The following AFF2 variants were observed in gnomAD, a reference collection of about 807,000 sequenced individuals.
The protein encoded by AFF2 is ALF transcription elongation factor 2.
AFF2 carries 14 observed loss-of-function variants against 76.9 expected under a neutral mutation model. The observed-to-expected ratio is 0.18, with a 90% CI of 0.12 to 0.28. The LOEUF (loss-of-function observed/expected upper bound fraction) is 0.28. Ranked by LOEUF, AFF2 falls within the 10% of genes least tolerant of loss-of-function variation. The probability of loss-of-function intolerance (pLI) is 1.00; values close to 1 mark genes in which losing one functional copy is unlikely to be tolerated. For missense variants in AFF2, 868 were observed against 1,001.1 expected, an observed-to-expected ratio of 0.87 and a Z score of 1.79; for synonymous variants, 398 against 366.7, an observed-to-expected ratio of 1.09 and a Z score of -0.98.
chrX:148,779,782 T>A (rs890548051), intron 3 of AFF2, among the ~76,000 whole-genome samples: 1 of 112,162 alleles, frequency 8.9e-6, no homozygotes, highest in South Asian at 3.7e-4. Context: ...AATTTGATCC[T>A]GTCGTTACGA....
intron 1 of AFF2, among the ~76,000 whole-genome samples, chrX:148,625,101 C>T (rs192485406): frequency 1.8e-5 from 2 of 110,910 alleles, no homozygotes; most frequent in Non-Finnish European, 3.8e-5. Flanking sequence ...TGTCACTCTT[C>T]ACTGACTTCA....
intron 8 of AFF2, among the ~76,000 whole-genome samples, chrX:148,891,483 T>G (rs2071223145): frequency 8.9e-6 from 1 of 111,737 alleles, no homozygotes; most frequent in African/African-American, 3.3e-5. Context: ...ACAAAGAAAT[T>G]GTATGGACAG....
At chrX:148,557,056 G>T (rs1311023915) in intron 1 of AFF2, among the ~76,000 whole-genome samples, 2 of 112,052 alleles carry the variant, frequency 1.8e-5, no homozygotes, top group Non-Finnish European at 3.8e-5. Flanking sequence ...TAAAAAATGA[G>T]CTGTGGCTCT....
intron 7 of AFF2, among the ~76,000 whole-genome samples, chrX:148,861,713 A>C (rs782107391): frequency 9.0e-6 from 1 of 111,383 alleles, no homozygotes; most frequent in Admixed American, 9.5e-5. Context: ...ACTCAGCTTC[A>C]ATATCTACCT....
At chrX:148,925,701 C>T (rs1412833517) in intron 9 of AFF2, among the ~76,000 whole-genome samples, 4 of 112,124 alleles carry the variant, frequency 3.6e-5, no homozygotes, top group Non-Finnish European at 7.5e-5. Context: ...TTTCCCTTCC[C>T]TCATCTGTGT....
chrX:148,965,267 G>A (rs1557288521), intron 13 of AFF2, among the ~76,000 whole-genome samples: 1 of 112,320 alleles, frequency 8.9e-6, no homozygotes, highest in Non-Finnish European at 1.9e-5. Context: ...TTCGAGAGAT[G>A]TTGGGGAGAT....
chrX:148,710,432 G>C (rs1557262812), intron 3 of AFF2, among the ~76,000 whole-genome samples: 1 of 111,424 alleles, frequency 9.0e-6, no homozygotes, highest in Admixed American at 9.6e-5. Flanking sequence ...TTAGACAAAT[G>C]GAAACATTTA....
intron 7 of AFF2, among the ~76,000 whole-genome samples, chrX:148,882,575 C>T (rs782574968): frequency 9.0e-6 from 1 of 111,389 alleles, no homozygotes; most frequent in Non-Finnish European, 1.9e-5. Flanking sequence ...CACAGGCATA[C>T]ATTTATATGA....
chrX:148,833,328 A>G (rs1320162408), intron 4 of AFF2, among the ~76,000 whole-genome samples: 1 of 111,662 alleles, frequency 9.0e-6, no homozygotes, highest in Non-Finnish European at 1.9e-5. Flanking sequence ...ACTGGCTTAT[A>G]ATGGCTACAC....
intron 1 of AFF2, among the ~76,000 whole-genome samples, chrX:148,608,970 C>A (rs1184538763): frequency 9.0e-6 from 1 of 111,557 alleles, no homozygotes; most frequent in Non-Finnish European, 1.9e-5. Context: ...CATTTGAATT[C>A]TTTTATAAGA....
intron 9 of AFF2, among the ~76,000 whole-genome samples, chrX:148,907,966 C>T (rs111884114): frequency 0.011 from 1,217 of 111,335 alleles, 21 homozygotes; most frequent in African/African-American, 0.038. Flanking sequence ...CATTCTCTTT[C>T]TCGGGGATGT....
chrX:148,988,738 C>T (rs373668983), intron 20 of AFF2, among the ~76,000 whole-genome samples: 3 of 112,038 alleles, frequency 2.7e-5, no homozygotes, highest in Non-Finnish European at 3.8e-5. Context: ...CACCCCTCAA[C>T]GCAGCTATAA....
chrX:148,884,494 C>A (rs2071134205), intron 7 of AFF2, among the ~76,000 whole-genome samples: 1 of 112,983 alleles, frequency 8.9e-6, no homozygotes, highest in East Asian at 2.8e-4. Context: ...CTTCTGGCTT[C>A]TCTTCTGGAA....
At chrX:148,894,511 C>T (rs1278957912) in intron 8 of AFF2, among the ~76,000 whole-genome samples, 1 of 111,479 alleles carries the variant, frequency 9.0e-6, no homozygotes, top group Non-Finnish European at 1.9e-5. Flanking sequence ...GGTGGATGGG[C>T]GGAAAAAAGA....
chrX:148,638,978 G>C (rs2054061088), intron 1 of AFF2, among the ~76,000 whole-genome samples: 1 of 111,776 alleles, frequency 8.9e-6, no homozygotes, highest in South Asian at 3.7e-4. Flanking sequence ...ATGAGAGCAG[G>C]GGGTGGTATA....
chrX:148,693,043 C>T (rs1054093241), intron 3 of AFF2, among the ~76,000 whole-genome samples: 4 of 111,192 alleles, frequency 3.6e-5, no homozygotes, highest in Non-Finnish European at 7.6e-5. Flanking sequence ...CTCAGCCTTC[C>T]GAGTAGCTGG....
intron 8 of AFF2, among the ~76,000 whole-genome samples, chrX:148,891,264 G>T (rs894074672): frequency 2.7e-5 from 3 of 110,887 alleles, no homozygotes; most frequent in African/African-American, 9.8e-5. Context: ...CTAAACCTCT[G>T]GTTTTTCTTT....
intron 1 of AFF2, among the ~76,000 whole-genome samples, chrX:148,648,850 G>GA (rs1277100030): frequency 9.0e-6 from 1 of 111,335 alleles, no homozygotes; most frequent in African/African-American, 3.3e-5. Context: ...ATATCCAGGA[G>GA]AAAAAAGTTG....
rs2052343731 is a variant in AFF2 at position 148,501,128 on chromosome X, G to A, written c.31G>A (p.Asp11Asn). 1.7e-6 allele frequency: 2 copies of A among 1,209,934 alleles called. No homozygotes were observed. Residue 11 changes from aspartate to asparagine, a missense_variant, in exon 1 of 21, where the codon GAC becomes AAC. This residue lies in a region of AFF2 where 196 missense variants were observed against 194.8 expected (regional missense o/e 1.01). Transcript: ENST00000370460. MDLFDFFRDW[D>N]LEQQCHYEQD... ...TCTATTCGACTTTTTCAGAGACTGG[G>A]ACTTGGAGCAGCAGTGGTAGGTGTT... is the stretch of plus-strand genomic sequence containing the variant.
Sources: allele counts gnomAD v4.1 joint callset (sites outside exome capture counted in the v4.1 genomes callset), GRCh38; gene constraint gnomAD v4.1.1; regional missense constraint gnomAD v4.1.1; transcripts MANE v1.5; gene names NCBI Gene and HGNC (gene_info 2026-07-23, HGNC 2026-07-21).